The following LONP2 variants were observed in gnomAD, a reference collection of about 807,000 sequenced individuals.
LONP2 encodes lon protease homolog 2, peroxisomal.
Under a neutral mutation model 85.6 loss-of-function variants are expected in LONP2, and 60 were observed. That is an observed-to-expected ratio of 0.70 (90% CI 0.57 to 0.87). The LOEUF is 0.87. Ranked by LOEUF, LONP2 falls within the 40% of genes least tolerant of loss-of-function variation. LONP2 has a pLI of 0.00. For missense variants in LONP2, 860 were observed against 1,063.5 expected, an observed-to-expected ratio of 0.81 and a Z score of 2.66; for synonymous variants, 395 against 389.7, an observed-to-expected ratio of 1.01 and a Z score of -0.16.
At chr16:48,313,598 AT>A (rs1457286878) in intron 11 of LONP2, among the ~76,000 whole-genome samples, 1 of 152,124 alleles carries the variant, frequency 6.6e-6, no homozygotes, top group African/African-American at 2.4e-5. Flanking sequence ...CTGATCCTGC[AT>A]TAGTTTGTTG....
At chr16:48,348,426 CTAAT>C (rs1960037862) in intron 14 of LONP2, 136 bp downstream of exon 14, 1 of 365,546 alleles carries the variant, frequency 2.7e-6, no homozygotes, top group Non-Finnish European at 4.6e-6. Context: ...ATGCCTGTAA[CTAAT>C]TCATATTTTA....
chr16:48,358,006 AC>A (rs1328628066), downstream of LONP2, among the ~76,000 whole-genome samples: 1 of 152,192 alleles, frequency 6.6e-6, no homozygotes, highest in Non-Finnish European at 1.5e-5. Flanking sequence ...CCTGAAAGAC[AC>A]CAAAAATAAG....
chr16:48,342,642 A>C (rs1323727467), intron 12 of LONP2, among the ~76,000 whole-genome samples: 1 of 152,232 alleles, frequency 6.6e-6, no homozygotes, highest in Non-Finnish European at 1.5e-5. Context: ...GGTGGACCCC[A>C]ACACCTCTCC....
At chr16:48,259,010 CAA>C in intron 4 of LONP2, among the ~76,000 whole-genome samples, 1 of 152,222 alleles carries the variant, frequency 6.6e-6, no homozygotes, top group Admixed American at 6.5e-5. Context: ...TAAACACTAA[CAA>C]ATAACTATGA....
intron 11 of LONP2, among the ~76,000 whole-genome samples, chr16:48,312,623 G>A (rs74017908): frequency 5.3e-5 from 8 of 152,082 alleles, no homozygotes; most frequent in Admixed American, 3.3e-4. Flanking sequence ...AGTAATGTAC[G>A]GGGTGGGTGA....
In LONP2 at chr16:48,296,083, A is replaced by G. The variant is rs1278448243; in HGVS notation, c.1452A>G (p.Gln484=). ...TAAATGTGGCCTTTGACCTTTCTCAAGTTCTTTTTATAGCTACTGCCAACA... is the reference window on the plus strand; with the variant it reads ...TAAATGTGGCCTTTGACCTTTCTCAGGTTCTTTTTATAGCTACTGCCAACA... ...HYLNVAFDLS[Q]VLFIATANTT... The change falls in exon 9 of 15, where the codon CAA becomes CAG. Residue 484 remains glutamine, a synonymous_variant. Transcript: ENST00000285737. 3.1e-6 allele frequency: 5 copies of G among 1,614,042 alleles called. No individual in the cohort carries two copies. The highest frequency in any genetic ancestry group is 1.7e-5 in the Admixed American group (1 of 59,994).
intron 8 of LONP2, among the ~76,000 whole-genome samples, chr16:48,281,103 A>G (rs1330264261): frequency 2.6e-5 from 4 of 152,224 alleles, no homozygotes; most frequent in African/African-American, 2.4e-5. Context: ...TGTAAAATGT[A>G]TAAGATTATT....
chr16:48,298,460 TAC>T lies in LONP2; in HGVS notation c.1535-1186_1535-1185del, dbSNP rs146027162. 4.6e-3 allele frequency among the ~76,000 whole-genome samples: 689 copies of T among 150,902 alleles called. 6 individuals carry two copies. Among genetic ancestry groups the T allele is most frequent in the African/African-American group, 0.016 (645 of 41,142 alleles). On this transcript the variant is annotated intron_variant, in intron 9 of 14. Transcript: ENST00000285737. The stretch of plus-strand genomic sequence containing the variant: ...ACATATGCACACATATATAAATACA[TAC>T]ACACACACACACACATATATATATA...
chr16:48,294,130 A>G (rs1027089163), intron 8 of LONP2, among the ~76,000 whole-genome samples: 1 of 152,062 alleles, frequency 6.6e-6, no homozygotes, highest in Non-Finnish European at 1.5e-5. Flanking sequence ...TAGTAGAGAC[A>G]GAGTTTCACC....
chr16:48,309,583 T>G (rs1972984831), intron 11 of LONP2, among the ~76,000 whole-genome samples: 1 of 152,208 alleles, frequency 6.6e-6, no homozygotes, highest in Non-Finnish European at 1.5e-5. Flanking sequence ...TTAATTTCCC[T>G]CTTAATTTTG....
intron 1 of LONP2, among the ~76,000 whole-genome samples, chr16:48,248,193 C>T (rs1036896231): frequency 6.6e-6 from 1 of 152,050 alleles, no homozygotes; most frequent in African/African-American, 2.4e-5. Context: ...GCCATCTCAG[C>T]TCACTGCAAC....
intron 6 of LONP2, among the ~76,000 whole-genome samples, chr16:48,265,602 A>C (rs1262372789): frequency 3.3e-5 from 5 of 152,206 alleles, no homozygotes; most frequent in Non-Finnish European, 7.3e-5. Flanking sequence ...TTGTGCCAGA[A>C]TCATACTCTC....
At chr16:48,330,250 T>A (rs1025770854) in intron 11 of LONP2, among the ~76,000 whole-genome samples, 4 of 152,270 alleles carry the variant, frequency 2.6e-5, no homozygotes, top group Non-Finnish European at 4.4e-5. Context: ...ACCACTATTT[T>A]AGTCCAAAAG....
chr16:48,251,256 G>C (rs757367199), intron 1 of LONP2, among the ~76,000 whole-genome samples: 3 of 152,090 alleles, frequency 2.0e-5, no homozygotes, highest in Non-Finnish European at 2.9e-5. Context: ...TTCTTTTCTG[G>C]AATTACCACT....
intron 1 of LONP2, among the ~76,000 whole-genome samples, chr16:48,251,623 G>A (rs2150962280): frequency 6.6e-6 from 1 of 152,250 alleles, no homozygotes; most frequent in East Asian, 1.9e-4. Context: ...AGTATGTGAT[G>A]GCAGCTTGTG....
At chr16:48,296,231 G>T in intron 9 of LONP2, 66 bp downstream of exon 9, 1 of 1,531,452 alleles carries the variant, frequency 6.5e-7, no homozygotes. Flanking sequence ...AATTAGTTAT[G>T]CTATGGAGTT....
At chr16:48,334,466 TA>T in intron 12 of LONP2, 108 bp downstream of exon 12, 1 of 1,367,144 alleles carries the variant, frequency 7.3e-7, no homozygotes, top group Admixed American at 1.8e-5. Flanking sequence ...GGGGAAGGAA[TA>T]GCCTTATTCG....
At chr16:48,362,131 A>G, downstream of LONP2, 1 of 1,614,160 alleles carries the variant, frequency 6.2e-7, no homozygotes, top group Non-Finnish European at 8.5e-7. The surrounding 1 kb of genome is among the most constrained non-coding windows in gnomAD (Gnocchi z 4.2). Flanking sequence ...GAAGACGCAT[A>G]TTTACAGGGG....
rs375772879 is a variant in LONP2, at chr16:48,326,720, G to T, written c.1796-7496G>T. On this transcript the variant is annotated intron_variant, in intron 11 of 14. Transcript: ENST00000285737. The stretch of plus-strand genomic sequence containing the variant: ...CTTCAAGATTTTTTCAAACAGCAAG[G>T]AACTTTTTTATTTTTTAACAGAGAG... 7.2e-5 allele frequency among the ~76,000 whole-genome samples: 11 copies of T among 152,144 alleles called. No individual in the cohort carries two copies. In the Middle Eastern group the frequency reaches 0.02, roughly 282 times the overall value.
Sources: gnomAD v4.1 joint callset for allele counts (sites outside exome capture counted in the v4.1 genomes callset) on GRCh38, gnomAD v4.1.1 for gene constraint, Gnocchi (gnomAD v3.1) non-coding constraint, MANE v1.5 for transcripts, NCBI Gene and HGNC (gene_info 2026-07-23, HGNC 2026-07-21) for gene names.